Variants in TADA2A observed in about 807,000 individuals in gnomAD.
TADA2A encodes transcriptional adapter 2-alpha.
TADA2A carries 38 observed loss-of-function variants against 67.4 expected under a neutral mutation model. The ratio of observed to expected loss-of-function variants is 0.56; its 90% CI spans 0.44 to 0.74. TADA2A has a LOEUF of 0.74. Ranked by LOEUF, TADA2A falls within the 30% of genes least tolerant of loss-of-function variation. The pLI is 0.00. For missense variants in TADA2A, 454 were observed against 547.0 expected (o/e 0.83, Z 1.70); for synonymous variants, 192 against 181.6 (o/e 1.06, Z -0.46).
chr17:37,442,198 C>CTTTTTTTTT (rs760306260), intron 6 of TADA2A, among the ~76,000 whole-genome samples: 9 of 75,412 alleles, frequency 1.2e-4, no homozygotes, highest in Admixed American at 2.6e-4. Flanking sequence ...TTTTTCCCGT[C>CTTTTTTTTT]TTTTTTTTTT....
intron 2 of TADA2A, 44 bp from the exon 3 acceptor site, chr17:37,423,465 C>G (rs8067120): frequency 2.1e-6 from 3 of 1,458,666 alleles, no homozygotes; most frequent in African/African-American, 2.8e-5. Context: ...TTAAGATAAC[C>G]GTAAGGTGGT....
At chr17:37,469,846 A>G (rs2080821412) in intron 12 of TADA2A, among the ~76,000 whole-genome samples, 1 of 152,236 alleles carries the variant, frequency 6.6e-6, no homozygotes, top group African/African-American at 2.4e-5. Context: ...GTTAACATGT[A>G]GAAAACACCA....
intron 4 of TADA2A, among the ~76,000 whole-genome samples, chr17:37,427,875 G>C (rs563281240): frequency 3.7e-4 from 57 of 152,142 alleles, no homozygotes; most frequent in South Asian, 1.0e-3. Flanking sequence ...TCAGCTACTT[G>C]GGCGTCTGAG....
intron 5 of TADA2A, chr17:37,438,050 A>G: frequency 2.1e-6 from 1 of 483,296 alleles, no homozygotes. Flanking sequence ...GAGCAGCTTT[A>G]AAAGGCCACT....
At chr17:37,421,259 CCCT>C (rs1459257756) in intron 2 of TADA2A, among the ~76,000 whole-genome samples, 1 of 145,600 alleles carries the variant, frequency 6.9e-6, no homozygotes, top group African/African-American at 2.5e-5. Flanking sequence ...GCAAGTCTGT[CCCT>C]CCTCTTGGGA....
Position 37,431,471 on chromosome 17 carries a change from A to G in TADA2A, c.192+4462A>G, listed in dbSNP as rs770869783. On this transcript the variant is annotated intron_variant, in intron 4 of 15. Transcript: ENST00000615182. ...AATGTGGTTGTCATTGTAACCAACT[A>G]CTACATAATGGTAATAAATTTCCGT... Among the ~76,000 whole-genome samples the G allele has an allele frequency of 3.9e-5, 6 of 152,282 alleles. 1 individual carries two copies. Among genetic ancestry groups the G allele is most frequent in the Middle Eastern group, 6.8e-3 (2 of 294 alleles).
At chr17:37,442,305 G>A (rs2052945689) in intron 6 of TADA2A, among the ~76,000 whole-genome samples, 2 of 138,622 alleles carry the variant, frequency 1.4e-5, no homozygotes, top group African/African-American at 2.7e-5. Context: ...TTTAGGTTCT[G>A]TAATATTAAA....
intron 4 of TADA2A, among the ~76,000 whole-genome samples, chr17:37,436,994 T>C (rs1026858138): frequency 6.6e-6 from 1 of 151,758 alleles, no homozygotes; most frequent in African/African-American, 2.4e-5. Context: ...GTGGGAGAGG[T>C]GGACAACTAA....
At position 37,440,604 on chromosome 17, in the gene TADA2A, G is replaced by A. The variant is rs1449514028; in HGVS notation, c.384G>A (p.Leu128=). The change falls in exon 6 of 16, where the codon CTG becomes CTA. Residue 128 remains leucine, a synonymous_variant. Transcript: ENST00000615182. ...ATAACCCTCTGTTTGCATCTACCCT[G>A]CTGAACCTGAAACAAGCAGAGGAAG... ...FINNPLFAST[L]LNLKQAEEAK... The A allele has an allele frequency of 6.2e-7, 1 of 1,614,126 alleles. No individual in the cohort carries two copies. The highest frequency in any genetic ancestry group is 2.2e-5 in the East Asian group (1 of 44,880).
intron 8 of TADA2A, among the ~76,000 whole-genome samples, chr17:37,457,459 G>T (rs1298543678): frequency 6.8e-6 from 1 of 147,490 alleles, no homozygotes; most frequent in African/African-American, 2.5e-5. Flanking sequence ...GGGATTACAG[G>T]TGTGAGCCAC....
intron 2 of TADA2A, 129 bp from the exon 3 acceptor site, chr17:37,423,380 T>C: frequency 1.5e-6 from 1 of 658,516 alleles, no homozygotes. Flanking sequence ...TGTAATGAGC[T>C]CATCTTGTCT....
chr17:37,444,809 G>A, intron 8 of TADA2A, 41 bp downstream of exon 8: 1 of 1,551,092 alleles, frequency 6.4e-7, no homozygotes, highest in East Asian at 2.2e-5. Context: ...AGCGCCAACT[G>A]TGTGATGACA....
chr17:37,442,573 A>T lies in TADA2A; in HGVS notation c.452A>T (p.Asp151Val), dbSNP rs2147975320. Residue 151 changes from aspartate (D) to valine (V), a missense_variant, in exon 7 of 16, where the codon GAC (aspartate) becomes GTC (valine). Coordinates refer to ENST00000615182, the MANE Select transcript of TADA2A (RefSeq NM_001166105.3). Reference protein sequence around the residue: ...DTAIPFHSTDDPPRPTFDSLL... With the variant: ...DTAIPFHSTDVPPRPTFDSLL... ...TTCTAAATTCTTCCAGCTACAGATG[A>T]CCCTCCCCGACCTACCTTTGACTCC... is the stretch of plus-strand genomic sequence containing the variant. The T allele has an allele frequency of 1.2e-6, 2 of 1,611,170 alleles. No homozygotes were observed. Among genetic ancestry groups the T allele is most frequent in the Non-Finnish European group, 8.5e-7 (1 of 1,178,970 alleles).
At chr17:37,438,095 T>C (rs922536929) in intron 5 of TADA2A, 1 of 342,564 alleles carries the variant, frequency 2.9e-6, no homozygotes, top group African/African-American at 2.1e-5. Flanking sequence ...TTGATTATTA[T>C]TCCTTTCTGA....
chr17:37,421,210 G>A (rs1461967912), intron 2 of TADA2A, among the ~76,000 whole-genome samples: 1 of 145,850 alleles, frequency 6.9e-6, no homozygotes, highest in Non-Finnish European at 1.5e-5. Flanking sequence ...GTGAGACCCT[G>A]TCTCTACAAA....
Position 37,456,302 on chromosome 17 carries a change from A to T in TADA2A, c.605-2222A>T, listed in dbSNP as rs1488017094. ...TACGTGGATGGGAAGCCACTGAAGA[A>T]TTATAAGCAAGGGAATTACACCATT... On this transcript the variant is annotated intron_variant, in intron 8 of 15. Coordinates refer to ENST00000615182, the MANE Select transcript of TADA2A (RefSeq NM_001166105.3). Among the ~76,000 whole-genome samples the T allele has an allele frequency of 3.3e-5, 5 of 152,252 alleles. No homozygotes were observed. In the South Asian group the frequency reaches 8.3e-4, roughly 25 times the overall value.
chr17:37,453,571 A>G (rs1253357100), intron 8 of TADA2A, among the ~76,000 whole-genome samples: 1 of 152,142 alleles, frequency 6.6e-6, no homozygotes, highest in African/African-American at 2.4e-5. Context: ...TTGAACATAC[A>G]GTTTAAAACT....
chr17:37,445,965 A>AT (rs2053066120), intron 8 of TADA2A, among the ~76,000 whole-genome samples: 1 of 152,122 alleles, frequency 6.6e-6, no homozygotes, highest in African/African-American at 2.4e-5. Context: ...GGGGAACTTG[A>AT]TTCTTTTCTC....
At chr17:37,449,146 G>A (rs1240985852) in intron 8 of TADA2A, among the ~76,000 whole-genome samples, 26 of 151,638 alleles carry the variant, frequency 1.7e-4, no homozygotes, top group Admixed American at 1.6e-3. Flanking sequence ...TCAGCCTCCC[G>A]AGTAGCTGGG....
Sources: allele counts gnomAD v4.1 joint callset (sites outside exome capture counted in the v4.1 genomes callset), GRCh38; gene constraint gnomAD v4.1.1; transcripts MANE v1.5; gene names NCBI Gene and HGNC (gene_info 2026-07-23, HGNC 2026-07-21).